CLASP2: variants seen among roughly 807,000 people sequenced by gnomAD.
CLASP2 encodes cytoplasmic linker associated protein 2, also known as CLIP-associating protein 2.
CLASP2 carries 47 observed loss-of-function variants against 194.4 expected under a neutral mutation model. That is an observed-to-expected ratio of 0.24 (90% CI 0.19 to 0.31). The LOEUF is 0.31. Ranked by LOEUF, CLASP2 falls within the 10% of genes least tolerant of loss-of-function variation. CLASP2 has a pLI of 1.00. For missense variants in CLASP2, 1,445 were observed against 1,823.6 expected (o/e 0.79, Z 3.78); for synonymous variants, 619 against 633.5 (o/e 0.98, Z 0.34).
intron 10 of CLASP2, among the ~76,000 whole-genome samples, chr3:33,626,078 T>C (rs751935437): frequency 3.9e-5 from 6 of 152,112 alleles, no homozygotes; most frequent in Non-Finnish European, 8.8e-5. Flanking sequence ...AATTGAAGAA[T>C]AGGAGCCATA....
intron 8 of CLASP2, among the ~76,000 whole-genome samples, chr3:33,638,332 T>C (rs1372584553): frequency 6.6e-6 from 1 of 152,014 alleles, no homozygotes; most frequent in Non-Finnish European, 1.5e-5. Flanking sequence ...TGAGATGGAG[T>C]CTCGCTCCGT....
intron 6 of CLASP2, among the ~76,000 whole-genome samples, chr3:33,682,723 T>C (rs2090034534): frequency 1.3e-5 from 2 of 152,218 alleles, no homozygotes; most frequent in South Asian, 4.1e-4. Flanking sequence ...TACTCATATA[T>C]TCTTGATTTC....
At position 33,688,335 on chromosome 3, in the gene CLASP2, G is replaced by T. The variant is rs754783224; in HGVS notation, c.412C>A (p.His138Asn). The T allele has an allele frequency of 6.3e-7, 1 of 1,592,268 alleles. No homozygotes were observed. Among genetic ancestry groups the T allele is most frequent in the African/African-American group, 1.3e-5 (1 of 74,552 alleles). Residue 138 changes from histidine to asparagine, a missense_variant, in exon 4 of 39, where the codon CAC becomes AAC. This residue lies in a region of CLASP2 where 332 missense variants were observed against 325.3 expected (regional missense o/e 1.02). Transcript: ENST00000682230. ...CCTTCTCGAGATCGAAAATTCTTGT[G>T]TTTAAAACCAGAAGCCAACTGCTCC... Reference protein sequence around the residue: ...IWEQLASGFKHKNFRSREGVC... With the variant: ...IWEQLASGFKNKNFRSREGVC...
chr3:33,616,657 A>T (rs768804929), intron 12 of CLASP2, among the ~76,000 whole-genome samples: 8 of 150,458 alleles, frequency 5.3e-5, no homozygotes, highest in Non-Finnish European at 8.8e-5. Context: ...ATTAAAAATC[A>T]TATTTAATTA....
chr3:33,645,648 T>A, intron 7 of CLASP2: 1 of 272,008 alleles, frequency 3.7e-6, no homozygotes. Flanking sequence ...CTTAGAAATC[T>A]GTTTTTCTTA....
chr3:33,566,618 A>G, intron 27 of CLASP2, 114 bp downstream of exon 27: 1 of 340,502 alleles, frequency 2.9e-6, no homozygotes, highest in East Asian at 8.7e-5. Context: ...CATTTCGTGG[A>G]TTGCAAAGGT....
intron 34 of CLASP2, among the ~76,000 whole-genome samples, chr3:33,529,097 C>T (rs1238045221): frequency 6.6e-6 from 1 of 152,030 alleles, no homozygotes; most frequent in Admixed American, 6.6e-5. Context: ...AATAAAATAC[C>T]TAGGAATATA....
intron 34 of CLASP2, among the ~76,000 whole-genome samples, chr3:33,529,887 A>T (rs902765865): frequency 2.0e-5 from 3 of 148,632 alleles, no homozygotes; most frequent in Non-Finnish European, 3.0e-5. Context: ...CTGAGGCAGG[A>T]GAATGGTGTG....
At chr3:33,630,403 T>G (rs1289447982) in intron 9 of CLASP2, among the ~76,000 whole-genome samples, 1 of 152,032 alleles carries the variant, frequency 6.6e-6, no homozygotes, top group Non-Finnish European at 1.5e-5. Flanking sequence ...ATGCCAATAA[T>G]AAGAAGGCTG....
chr3:33,700,380 TTG>T (rs2092290368), intron 1 of CLASP2, among the ~76,000 whole-genome samples: 1 of 151,930 alleles, frequency 6.6e-6, no homozygotes, highest in African/African-American at 2.4e-5. Flanking sequence ...TGAGCTGAGA[TTG>T]TGTCACTGCA....
chr3:33,537,244 A>C (rs535165908), intron 33 of CLASP2, among the ~76,000 whole-genome samples: 35 of 152,278 alleles, frequency 2.3e-4, no homozygotes, highest in East Asian at 1.5e-3. Context: ...CTAATCTGTT[A>C]TTGCTACCAC....
chr3:33,516,197 A>C, intron 35 of CLASP2, 46 bp from the exon 36 acceptor site: 1 of 1,524,828 alleles, frequency 6.6e-7, no homozygotes, highest in Non-Finnish European at 8.8e-7. Context: ...GGTTGTAGAT[A>C]ATCTTTAACA....
chr3:33,612,312 G>A (rs1040826878), intron 12 of CLASP2, among the ~76,000 whole-genome samples: 11 of 152,262 alleles, frequency 7.2e-5, no homozygotes, highest in Middle Eastern at 3.4e-3. Context: ...AAAGTTAACT[G>A]TTTAACTGCA....
intron 32 of CLASP2, 104 bp downstream of exon 32, chr3:33,543,329 C>T: frequency 1.3e-6 from 1 of 749,924 alleles, no homozygotes; most frequent in Non-Finnish European, 2.3e-6. Context: ...GTTGAGATCA[C>T]ACCACCACAC....
At chr3:33,682,444 G>C (rs2089998697) in intron 6 of CLASP2, among the ~76,000 whole-genome samples, 1 of 152,142 alleles carries the variant, frequency 6.6e-6, no homozygotes, top group Non-Finnish European at 1.5e-5. Flanking sequence ...TTTAAACCAA[G>C]TAATAGGTAA....
At position 33,582,143 on chromosome 3, in the gene CLASP2, A is replaced by G. The variant is rs374977285; in HGVS notation, c.2240-215T>C. Among the ~76,000 whole-genome samples the G allele has an allele frequency of 1.1e-4, 16 of 152,330 alleles. No homozygotes were observed. The East Asian group carries it at 2.7e-3, about 26-fold the overall frequency. ...TTGTATGAAATTAGAAGGGCAAATA[A>G]TATTTTACCAAACTAAAAATGCTGC... is the stretch of plus-strand genomic sequence containing the variant. On this transcript the variant is annotated intron_variant, in intron 22 of 38. Transcript: ENST00000682230.
At chr3:33,536,153 T>C (rs963944791) in intron 33 of CLASP2, among the ~76,000 whole-genome samples, 1 of 152,058 alleles carries the variant, frequency 6.6e-6, no homozygotes, top group Non-Finnish European at 1.5e-5. Context: ...TATGCACATA[T>C]TATATGCCTG....
At chr3:33,601,300 T>C (rs1371825432) in intron 18 of CLASP2, among the ~76,000 whole-genome samples, 1 of 152,182 alleles carries the variant, frequency 6.6e-6, no homozygotes, top group Admixed American at 6.5e-5. Flanking sequence ...CAGTGGGCAC[T>C]ACCCTTAACT....
intron 37 of CLASP2, among the ~76,000 whole-genome samples, chr3:33,508,461 G>C (rs910898105): frequency 6.6e-6 from 1 of 152,024 alleles, no homozygotes; most frequent in Non-Finnish European, 1.5e-5. Flanking sequence ...CTCCTGAGTA[G>C]CTAGAATTAC....
Sources: gnomAD v4.1 joint callset for allele counts (sites outside exome capture counted in the v4.1 genomes callset) on GRCh38, gnomAD v4.1.1 for gene constraint, gnomAD v4.1.1 regional missense constraint, MANE v1.5 for transcripts, NCBI Gene and HGNC (gene_info 2026-07-23, HGNC 2026-07-21) for gene names.